KCNT2: variants seen among roughly 807,000 people sequenced by gnomAD.
KCNT2 encodes the protein potassium sodium-activated channel subfamily T member 2.
Under a neutral mutation model 153.8 loss-of-function variants are expected in KCNT2, and 67 were observed. That is an observed-to-expected ratio of 0.44 (90% CI 0.36 to 0.53). The LOEUF is 0.53. KCNT2 is among the 20% of genes least tolerant of loss of function. The probability of loss-of-function intolerance (pLI) is 0.00; values close to 1 mark genes in which losing one functional copy is unlikely to be tolerated. For synonymous variants in KCNT2, 500 were observed against 458.8 expected, an observed-to-expected ratio of 1.09 and a Z score of -1.15; for missense variants, 975 against 1,354.8, an observed-to-expected ratio of 0.72 and a Z score of 4.40.
At chr1:196,426,901 C>T (rs531231344) in intron 10 of KCNT2, among the ~76,000 whole-genome samples, 1 of 152,090 alleles carries the variant, frequency 6.6e-6, no homozygotes, top group East Asian at 1.9e-4. Flanking sequence ...TGTGAAGACA[C>T]ACCTGCTTCC....
At chr1:196,345,324 T>A (rs1666049052) in intron 14 of KCNT2, among the ~76,000 whole-genome samples, 1 of 152,072 alleles carries the variant, frequency 6.6e-6, no homozygotes, top group Admixed American at 6.6e-5. Context: ...TGAGTAAAAA[T>A]CTTGAAGAAG....
intron 14 of KCNT2, among the ~76,000 whole-genome samples, chr1:196,359,092 A>C (rs570432901): frequency 1.9e-3 from 286 of 152,114 alleles, no homozygotes; most frequent in Non-Finnish European, 3.5e-3. Context: ...CCGAATGATA[A>C]ATGTCTAGCC....
chr1:196,245,608 A>G (rs1655370612), intron 26 of KCNT2, among the ~76,000 whole-genome samples: 1 of 152,176 alleles, frequency 6.6e-6, no homozygotes, highest in Non-Finnish European at 1.5e-5. Context: ...AAACTCAACA[A>G]AATTCAAGAT....
chr1:196,458,796 C>T (rs1676903093), intron 8 of KCNT2, among the ~76,000 whole-genome samples: 1 of 151,900 alleles, frequency 6.6e-6, no homozygotes, highest in South Asian at 2.1e-4. Flanking sequence ...AAAAAAGTCA[C>T]ATGGCAGGAA....
At chr1:196,288,629 T>A (rs1659898264) in intron 22 of KCNT2, among the ~76,000 whole-genome samples, 2 of 152,116 alleles carry the variant, frequency 1.3e-5, no homozygotes, top group African/African-American at 4.8e-5. Flanking sequence ...GAAACAGATC[T>A]TATTCAGAAT....
At chr1:196,582,000 G>C (rs1662114693) in intron 1 of KCNT2, among the ~76,000 whole-genome samples, 1 of 152,048 alleles carries the variant, frequency 6.6e-6, no homozygotes, top group Non-Finnish European at 1.5e-5. Context: ...TCTTCAGGTA[G>C]ACTTTAAAAA....
chr1:196,271,721 T>TTA (rs1335523690), intron 25 of KCNT2, among the ~76,000 whole-genome samples: 1 of 151,938 alleles, frequency 6.6e-6, no homozygotes, highest in African/African-American at 2.4e-5. Flanking sequence ...CTCAGACTCA[T>TTA]TATGTCTGCG....
chr1:196,244,588 G>T (rs572285128), intron 26 of KCNT2, among the ~76,000 whole-genome samples: 1 of 152,130 alleles, frequency 6.6e-6, no homozygotes, highest in Admixed American at 6.5e-5. Context: ...CTGGAGTGGT[G>T]GTGGCCACAG....
chr1:196,290,422 T>A (rs949789743), intron 22 of KCNT2, among the ~76,000 whole-genome samples: 2 of 152,088 alleles, frequency 1.3e-5, no homozygotes. Flanking sequence ...AAACTCATCT[T>A]CCTTGTGGTT....
intron 14 of KCNT2, among the ~76,000 whole-genome samples, chr1:196,353,530 C>A (rs1040177539): frequency 4.0e-5 from 6 of 151,838 alleles, no homozygotes; most frequent in African/African-American, 1.5e-4. Flanking sequence ...CTGTTTGTTC[C>A]CTTCTGTTTA....
intron 26 of KCNT2, 146 bp from the exon 27 acceptor site, chr1:196,236,216 G>A: frequency 3.4e-6 from 2 of 588,786 alleles, no homozygotes; most frequent in Admixed American, 2.9e-5. Flanking sequence ...ACATAAGTTT[G>A]GCTATTTTCA....
chr1:196,363,257 C>T (rs964145109), intron 14 of KCNT2, among the ~76,000 whole-genome samples: 1 of 151,980 alleles, frequency 6.6e-6, no homozygotes, highest in Non-Finnish European at 1.5e-5. Context: ...CCATCTTAGC[C>T]CATTAGGACT....
intron 22 of KCNT2, among the ~76,000 whole-genome samples, chr1:196,298,490 G>C (rs1660880119): frequency 6.6e-6 from 1 of 152,176 alleles, no homozygotes; most frequent in Non-Finnish European, 1.5e-5. Flanking sequence ...AAGTCTTAAA[G>C]GGTCTCCCAA....
chr1:196,309,197 C>T (rs552414889), intron 21 of KCNT2, among the ~76,000 whole-genome samples: 3 of 151,964 alleles, frequency 2.0e-5, no homozygotes, highest in East Asian at 1.9e-4. Context: ...ATGAGGAAAA[C>T]GTAGCTACAA....
intron 13 of KCNT2, among the ~76,000 whole-genome samples, chr1:196,374,725 G>C (rs920612224): frequency 4.0e-5 from 6 of 151,892 alleles, no homozygotes; most frequent in African/African-American, 1.4e-4. Flanking sequence ...AAATAATTTT[G>C]AGTGTGTATG....
intron 7 of KCNT2, among the ~76,000 whole-genome samples, chr1:196,467,369 C>T (rs539338538): frequency 3.0e-4 from 46 of 152,110 alleles, no homozygotes; most frequent in African/African-American, 8.7e-4. Flanking sequence ...ATACAGCAGA[C>T]TGGTCATTTA....
At chr1:196,394,549 T>G (rs1670759713) in intron 13 of KCNT2, among the ~76,000 whole-genome samples, 1 of 151,562 alleles carries the variant, frequency 6.6e-6, no homozygotes, top group Non-Finnish European at 1.5e-5. Flanking sequence ...CATCTTAATT[T>G]TAAGAGGGCT....
At chr1:196,479,913 A>T (rs1479225545) in intron 4 of KCNT2, among the ~76,000 whole-genome samples, 1 of 152,248 alleles carries the variant, frequency 6.6e-6, no homozygotes, top group Non-Finnish European at 1.5e-5. Flanking sequence ...TACATCTTTG[A>T]GTACTAAATA....
At chr1:196,368,259 T>C (rs1332400545) in intron 14 of KCNT2, among the ~76,000 whole-genome samples, 1 of 152,196 alleles carries the variant, frequency 6.6e-6, no homozygotes, top group Non-Finnish European at 1.5e-5. Context: ...CCCTTTATCA[T>C]GCAGAAGCAT....
Sources: gnomAD v4.1 joint callset for allele counts (sites outside exome capture counted in the v4.1 genomes callset) on GRCh38, gnomAD v4.1.1 for gene constraint, MANE v1.5 for transcripts, NCBI Gene and HGNC (gene_info 2026-07-23, HGNC 2026-07-21) for gene names.